The following ANKRD35 variants were observed in gnomAD, a reference collection of about 807,000 sequenced individuals.
ANKRD35 encodes the protein ankyrin repeat domain 35, also known as ankyrin repeat domain-containing protein 35.
In ANKRD35, 102 loss-of-function variants were observed where a neutral mutation model predicts 109.9. That is an observed-to-expected ratio of 0.93 (90% confidence interval 0.79 to 1.09). The LOEUF (loss-of-function observed/expected upper bound fraction) is 1.09, where lower values mean the gene tolerates loss of function less well. ANKRD35 is among the 50% of genes least tolerant of loss of function. The pLI is 0.00. For missense variants in ANKRD35, 1,240 were observed against 1,230.1 expected (o/e 1.01, Z -0.12); for synonymous variants, 515 against 512.4 (o/e 1.01, Z -0.07).
chr1:145,875,088 A>C, intron 7 of ANKRD35, 82 bp from the exon 8 acceptor site: 1 of 1,408,934 alleles, frequency 7.1e-7, no homozygotes, highest in Non-Finnish European at 9.6e-7. Context: ...CTCACAGGGT[A>C]AGCTCTCATT....
chr1:145,875,030 C>T (rs1654015000), intron 7 of ANKRD35, 24 bp from the exon 8 acceptor site: 2 of 1,561,944 alleles, frequency 1.3e-6, no homozygotes, highest in Admixed American at 1.9e-5. Context: ...CAAATCTGAG[C>T]ACAGACTTTC....
At chr1:145,877,119 G>T (rs1290381479) in intron 4 of ANKRD35, among the ~76,000 whole-genome samples, 1 of 152,180 alleles carries the variant, frequency 6.6e-6, no homozygotes, top group Non-Finnish European at 1.5e-5. Flanking sequence ...TAGGGAAAAT[G>T]ACACCCAATG....
chr1:145,872,340 A>G lies in ANKRD35; in HGVS notation c.2429T>C (p.Leu810Pro). 3 of 1,612,862 alleles carry G rather than the reference A, an allele frequency of 1.9e-6. No homozygotes were observed. The highest frequency in any genetic ancestry group is 2.5e-6 in the Non-Finnish European group (3 of 1,179,474). The change falls in exon 10 of 14, where the codon CTG becomes CCG. Residue 810 changes from leucine to proline, a missense_variant. Leu to Pro is a moderately conservative substitution (Grantham distance 98). Transcript: ENST00000355594. ...MSGKSQEIGK[L>P]KQLLYQATEE... ...TGTGGCTTGGTAGAGCAGCTGCTTC[A>G]GCTTTCCGATCTCCTGGCTCTTCCC... is the stretch of plus-strand genomic sequence containing the variant.
In ANKRD35 at chr1:145,873,827, C is replaced by T; in HGVS notation, c.942G>A (p.Gln314=). The T allele has an allele frequency of 6.2e-7, 1 of 1,610,722 alleles. No homozygotes were observed. Among genetic ancestry groups the T allele is most frequent in the South Asian group, 1.1e-5 (1 of 90,628 alleles). The change falls in exon 10 of 14, where the codon CAG becomes CAA. Residue 314 remains glutamine (Q), a synonymous_variant. Transcript: ENST00000355594. ...EERRKVVRLE[Q]ELVQKTEECK... ...ACTCTTCTGTCTTTTGCACCAGCTC[C>T]TGCTCCAGCCGAACAACTTTCCTCC...
Position 145,881,633 on chromosome 1 carries a change from C to T in ANKRD35, c.40-2245G>A, listed in dbSNP as rs587670980. On this transcript the variant is annotated intron_variant, in intron 1 of 13. Coordinates refer to ENST00000355594, the MANE Select transcript of ANKRD35 (RefSeq NM_144698.5). ...ACGACAGGGTGCTGCCATCAGCTGA[C>T]GTCAACCTGCAGTTCTCGAAATGTT... is the stretch of plus-strand genomic sequence containing the variant. Among the ~76,000 whole-genome samples, 75 of 152,308 alleles carry T rather than the reference C, an allele frequency of 4.9e-4. No individual in the cohort carries two copies. The Middle Eastern group carries it at 0.014, about 28-fold the overall frequency.
intron 1 of ANKRD35, among the ~76,000 whole-genome samples, chr1:145,881,280 C>T (rs967874528): frequency 4.6e-5 from 7 of 152,190 alleles, no homozygotes; most frequent in African/African-American, 1.7e-4. Context: ...AGCAAGACTC[C>T]ATCTCAAACA....
intron 10 of ANKRD35, 62 bp from the exon 11 acceptor site, chr1:145,868,462 A>C: frequency 6.8e-7 from 1 of 1,461,818 alleles, no homozygotes. Context: ...ACAAGGGTCA[A>C]GGTCAGCTTC....
At position 145,873,857 on chromosome 1, in the gene ANKRD35, C is replaced by T; in HGVS notation, c.912G>A (p.Glu304=). The change falls in exon 10 of 14, where the codon GAG becomes GAA. Residue 304 remains glutamate (E), a synonymous_variant. Transcript: ENST00000355594. The part of the protein sequence containing the change: ...CSEEWRWKYE[E]ERRKVVRLEQ... Reference sequence around the variant, plus strand: ...CCAGCCGAACAACTTTCCTCCGCTCCTCTTCATACTTCCACCTCCACTCCT... The same window carrying T: ...CCAGCCGAACAACTTTCCTCCGCTCTTCTTCATACTTCCACCTCCACTCCT... The T allele has an allele frequency of 1.2e-6, 2 of 1,613,554 alleles. No homozygotes were observed. The highest frequency in any genetic ancestry group is 1.1e-5 in the South Asian group (1 of 90,972).
chr1:145,875,057 G>C (rs1654016234), intron 7 of ANKRD35, 51 bp from the exon 8 acceptor site: 1 of 1,518,684 alleles, frequency 6.6e-7, no homozygotes, highest in Non-Finnish European at 8.9e-7. Context: ...GAACCCAGAA[G>C]TCCTGGTTCC....
rs1480508093 is a variant in ANKRD35, at chr1:145,873,849, C to T, written c.920G>A (p.Arg307Lys). ...EWRWKYEEER[R>K]KVVRLEQELV... ...CTCCTGCTCCAGCCGAACAACTTTC[C>T]TCCGCTCCTCTTCATACTTCCACCT... The change falls in exon 10 of 14, where the codon AGG (arginine) becomes AAG (lysine). Residue 307 changes from arginine to lysine, a missense_variant. Coordinates refer to ENST00000355594, the MANE Select transcript of ANKRD35 (RefSeq NM_144698.5). 13 of 1,612,808 alleles carry T rather than the reference C, an allele frequency of 8.1e-6. No homozygotes were observed. The highest frequency in any genetic ancestry group is 1.6e-4 in the Middle Eastern group (1 of 6,082).
chr1:145,878,263 G>T lies in ANKRD35; in HGVS notation c.259+128C>A, dbSNP rs1654155878. 4 of 1,084,914 alleles carry T rather than the reference G, an allele frequency of 3.7e-6. No individual in the cohort carries two copies. The South Asian group carries it at 4.3e-5, about 12-fold the overall frequency. The allele number at this position is 1,084,914 out of a possible 1,614,324, so 67.2% of individuals were successfully genotyped here. On this transcript the variant is annotated intron_variant, in intron 3 of 13. Transcript: ENST00000355594. ...GAGGGGAACTCCTGGAAGGATGCTG[G>T]CCAGAACTTACTAAGGAGAGAAGCA...
chr1:145,877,233 A>ATTT (rs55662836), intron 4 of ANKRD35, among the ~76,000 whole-genome samples: 5 of 140,356 alleles, frequency 3.6e-5, no homozygotes, highest in South Asian at 2.3e-4. Flanking sequence ...AAGATAACTG[A>ATTT]TTTTTTTTTT....
At position 145,876,809 on chromosome 1, in the gene ANKRD35, C is replaced by T. The variant is rs1553740209; in HGVS notation, c.382+7G>A. On this transcript the variant is annotated splice_region_variant and intron_variant, in intron 5 of 13. Coordinates refer to ENST00000355594, the MANE Select transcript of ANKRD35 (RefSeq NM_144698.5). ...CAGCCCTGTTCCCATGAGTCCCCTG[C>T]ACACACCTGCCCAGTGCAATGGACT... is the stretch of plus-strand genomic sequence containing the variant. The T allele has an allele frequency of 3.1e-6, 5 of 1,614,100 alleles. No homozygotes were observed. Among genetic ancestry groups the T allele is most frequent in the Non-Finnish European group, 4.2e-6 (5 of 1,180,036 alleles).
chr1:145,877,432 C>T (rs755791603), intron 4 of ANKRD35, among the ~76,000 whole-genome samples: 2 of 152,078 alleles, frequency 1.3e-5, no homozygotes, highest in Admixed American at 1.3e-4. Flanking sequence ...TGGGGTTTCA[C>T]TGTGTTAGCC....
In ANKRD35 at chr1:145,873,618, T is replaced by A; in HGVS notation, c.1151A>T (p.Glu384Val). The change falls in exon 10 of 14, where the codon GAG becomes GTG. Residue 384 changes from glutamate to valine, a missense_variant. By Grantham distance (121) the Glu-to-Val change is moderately radical. Transcript: ENST00000355594. ...PKDLLAESTQ[E>V]LKKQQQAAAT... ...TGCTGCCTGCTGCTGCTTCTTTAGC[T>A]CTTGTGTACTCTCAGCCAGCAGGTC... 6.2e-7 allele frequency: 1 copy of A among 1,614,058 alleles called. No individual in the cohort carries two copies. Among genetic ancestry groups the A allele is most frequent in the Non-Finnish European group, 8.5e-7 (1 of 1,180,016 alleles).
intron 1 of ANKRD35, among the ~76,000 whole-genome samples, chr1:145,880,349 T>C (rs1272100627): frequency 6.6e-6 from 1 of 152,212 alleles, no homozygotes; most frequent in Non-Finnish European, 1.5e-5. Flanking sequence ...TGTGGTCTGA[T>C]GTAAAGGCTG....
chr1:145,871,836 G>T (rs1653832997), intron 10 of ANKRD35, 146 bp downstream of exon 10: 2 of 1,013,516 alleles, frequency 2.0e-6, no homozygotes, highest in Admixed American at 2.4e-5. Context: ...GAACATAGTA[G>T]TGTGGTCCCT....
rs1553739160 is a variant in ANKRD35 at position 145,872,934 on chromosome 1, T to C, written c.1835A>G (p.Gln612Arg). 6.2e-7 allele frequency: 1 copy of C among 1,611,960 alleles called. No individual in the cohort carries two copies. The highest frequency in any genetic ancestry group is 8.5e-7 in the Non-Finnish European group (1 of 1,178,512). ...EKALGGLAKG[Q>R]LEKEMSVLRL... The stretch of plus-strand genomic sequence containing the variant: ...CAGTACTGACATCTCCTTCTCCAGC[T>C]GTCCCTTTGCCAGGCCTCCTAGGGC... Residue 612 changes from glutamine (Q) to arginine (R), a missense_variant, in exon 10 of 14, where the codon CAG (glutamine) becomes CGG (arginine). By Grantham distance (43) the Gln-to-Arg change is conservative. Transcript: ENST00000355594.
At chr1:145,868,084 C>T in intron 11 of ANKRD35, 28 bp from the exon 12 acceptor site, 3 of 1,609,250 alleles carry the variant, frequency 1.9e-6, no homozygotes. Flanking sequence ...TGGGAAGTCA[C>T]ATGTCCACCC....
Sources: allele counts gnomAD v4.1 joint callset (sites outside exome capture counted in the v4.1 genomes callset), GRCh38; gene constraint gnomAD v4.1.1; transcripts MANE v1.5; gene names NCBI Gene and HGNC (gene_info 2026-07-23, HGNC 2026-07-21).